The following PTPRA variants were observed in gnomAD, a reference collection of about 807,000 sequenced individuals.
PTPRA encodes the protein receptor-type tyrosine-protein phosphatase alpha.
Under a neutral mutation model 104.8 loss-of-function variants are expected in PTPRA, and 25 were observed. The observed-to-expected ratio is 0.24, with a 90% CI of 0.17 to 0.33. The LOEUF (loss-of-function observed/expected upper bound fraction) is 0.33. PTPRA is among the 10% of genes least tolerant of loss of function. The pLI, the probability that PTPRA is intolerant of heterozygous loss-of-function variation, is 1.00. For synonymous variants in PTPRA, 323 were observed against 368.9 expected (o/e 0.88, Z 1.43); for missense variants, 765 against 1,015.3 (o/e 0.75, Z 3.35).
chr20:3,015,890 A>T lies in PTPRA; in HGVS notation c.943+5A>T, dbSNP rs1438619602. The T allele has an allele frequency of 6.4e-7, 1 of 1,560,406 alleles. No homozygotes were observed. Among genetic ancestry groups the T allele is most frequent in the Non-Finnish European group, 8.8e-7 (1 of 1,131,612 alleles). On this transcript the variant is annotated splice_donor_5th_base_variant and intron_variant, in intron 12 of 23. Coordinates refer to ENST00000399903, the MANE Select transcript of PTPRA (RefSeq NM_001385305.1). Reference sequence around the variant, plus strand: ...ACAAATTCATTGCTGCACAAGGTAAAGTAATGACAACTTTTTTCTGTTAGA... The same window carrying T: ...ACAAATTCATTGCTGCACAAGGTAATGTAATGACAACTTTTTTCTGTTAGA...
intron 9 of PTPRA, 107 bp downstream of exon 9, chr20:2,988,581 T>C: frequency 6.9e-7 from 1 of 1,441,382 alleles, no homozygotes; most frequent in African/African-American, 1.5e-5. Context: ...TTTTAATGTT[T>C]AAGAGGTGAG....
intron 3 of PTPRA, among the ~76,000 whole-genome samples, chr20:2,948,275 T>C (rs2061213114): frequency 6.6e-6 from 1 of 152,242 alleles, no homozygotes; most frequent in Non-Finnish European, 1.5e-5. Context: ...CTGGTGAAAT[T>C]AGCTTCTTGG....
the PTPRA span, chr20:2,865,429 A>C: frequency 6.2e-7 from 1 of 1,614,204 alleles, no homozygotes; most frequent in Non-Finnish European, 8.5e-7. The surrounding 1 kb of genome is among the most constrained non-coding windows in gnomAD (Gnocchi z 5.2). Flanking sequence ...CTGCCCTGGC[A>C]GATTTGGAAG....
intron 1 of PTPRA, among the ~76,000 whole-genome samples, chr20:2,894,343 G>T (rs1231417265): frequency 6.6e-6 from 1 of 152,176 alleles, no homozygotes; most frequent in Non-Finnish European, 1.5e-5. Context: ...TTGGCATTAA[G>T]TGAGTCAGGG....
rs868753218 is a variant in PTPRA at position 3,029,118 on chromosome 20, T to G, written c.1920+1277T>G. Among the ~76,000 whole-genome samples the G allele has an allele frequency of 2.7e-3, 347 of 128,234 alleles. 2 individuals are homozygous for G. The East Asian group carries it at 0.031, about 12-fold the overall frequency. 84.1% of individuals were successfully genotyped at this position (128,234 alleles called of 152,430 possible). ...CCCTGATGTTTCATTACATCAGGATTTTTTTTTTTTTTTTGGTTTTGTTTG... is the reference window on the plus strand; with the variant it reads ...CCCTGATGTTTCATTACATCAGGATGTTTTTTTTTTTTTTGGTTTTGTTTG... On this transcript the variant is annotated intron_variant, in intron 20 of 23. Transcript: ENST00000399903.
chr20:2,920,617 G>A (rs547774990), intron 1 of PTPRA, among the ~76,000 whole-genome samples: 1 of 152,264 alleles, frequency 6.6e-6, no homozygotes, highest in East Asian at 1.9e-4. Flanking sequence ...TTCTGAGGGA[G>A]TGATGATGGG....
In PTPRA at chr20:3,038,168, C is replaced by T. The variant is rs765124509; in HGVS notation, c.*35C>T. ...AGGGTCCGTGGACCAGGAGGATTGC[C>T]TTTAATATTTTGTAATATTCTGTTT... is the stretch of plus-strand genomic sequence containing the variant. On this transcript the variant is annotated 3_prime_UTR_variant, in exon 24 of 24. Coordinates refer to ENST00000399903, the MANE Select transcript of PTPRA (RefSeq NM_001385305.1). The T allele has an allele frequency of 6.4e-7, 1 of 1,552,718 alleles. No homozygotes were observed. Among genetic ancestry groups the T allele is most frequent in the East Asian group, 2.2e-5 (1 of 44,576 alleles).
Position 3,007,339 on chromosome 20 carries a change from C to T in PTPRA, c.830-5C>T. 1 of 1,612,738 alleles carries T rather than the reference C, an allele frequency of 6.2e-7. No individual in the cohort carries two copies. The highest frequency in any genetic ancestry group is 8.5e-7 in the Non-Finnish European group (1 of 1,178,936). On this transcript the variant is annotated splice_region_variant and splice_polypyrimidine_tract_variant and intron_variant, in intron 10 of 23. Coordinates refer to ENST00000399903, the MANE Select transcript of PTPRA (RefSeq NM_001385305.1). Reference sequence around the variant, plus strand: ...TTACTGAAATATTGTTGGTTTGTTTCCTAGATGACCACTCTAGAGTCCACC... The same window carrying T: ...TTACTGAAATATTGTTGGTTTGTTTTCTAGATGACCACTCTAGAGTCCACC...
At chr20:2,885,144 A>G (rs2146890234) in intron 1 of PTPRA, among the ~76,000 whole-genome samples, 1 of 152,092 alleles carries the variant, frequency 6.6e-6, no homozygotes, top group East Asian at 1.9e-4. Context: ...GAACGCCTGC[A>G]CCTTTTTACA....
intron 16 of PTPRA, among the ~76,000 whole-genome samples, chr20:3,023,992 G>A (rs1287775185): frequency 6.6e-6 from 1 of 152,194 alleles, no homozygotes; most frequent in East Asian, 1.9e-4. Flanking sequence ...GCAGATGACA[G>A]GTTACTGGAC....
chr20:3,028,184 G>A (rs369454770), intron 20 of PTPRA, among the ~76,000 whole-genome samples: 4 of 144,860 alleles, frequency 2.8e-5, no homozygotes, highest in Admixed American at 6.7e-5. Context: ...TGCCCCAGGC[G>A]GGGGGGGCAC....
At chr20:2,992,326 G>A (rs2063210858) in intron 9 of PTPRA, among the ~76,000 whole-genome samples, 1 of 152,132 alleles carries the variant, frequency 6.6e-6, no homozygotes, top group South Asian at 2.1e-4. Flanking sequence ...AGACCAGCCT[G>A]GCCAACATGG....
the PTPRA span, chr20:2,864,303 G>T: frequency 3.1e-6 from 5 of 1,613,926 alleles, no homozygotes; most frequent in Admixed American, 3.3e-5. The surrounding 1 kb of genome is among the most constrained non-coding windows in gnomAD (Gnocchi z 5.2). Flanking sequence ...GGCAAGGCTG[G>T]GGGGCCCCTG....
chr20:2,988,626 G>T, intron 9 of PTPRA, 152 bp downstream of exon 9: 1 of 1,174,102 alleles, frequency 8.5e-7, no homozygotes, highest in Non-Finnish European at 1.2e-6. Flanking sequence ...CTCCCTGTAT[G>T]ATCATGGATA....
intron 13 of PTPRA, among the ~76,000 whole-genome samples, chr20:3,020,446 G>T (rs2064808870): frequency 6.6e-6 from 1 of 152,164 alleles, no homozygotes; most frequent in Non-Finnish European, 1.5e-5. Context: ...TATTTCCCTG[G>T]TTTTCTGCCC....
intron 20 of PTPRA, among the ~76,000 whole-genome samples, chr20:3,031,008 T>A (rs922737242): frequency 2.6e-5 from 4 of 152,012 alleles, no homozygotes; most frequent in African/African-American, 9.7e-5. Flanking sequence ...ATCAAAAGGG[T>A]CCACCAGGAT....
chr20:3,031,244 C>T (rs2065438810), intron 20 of PTPRA, among the ~76,000 whole-genome samples: 1 of 152,070 alleles, frequency 6.6e-6, no homozygotes, highest in Non-Finnish European at 1.5e-5. Flanking sequence ...ACATAAGAGA[C>T]TTCATGCTAT....
the PTPRA span, chr20:2,864,688 G>T: frequency 6.2e-7 from 1 of 1,605,158 alleles, no homozygotes; most frequent in Non-Finnish European, 8.5e-7. The surrounding 1 kb of genome is among the most constrained non-coding windows in gnomAD (Gnocchi z 5.2). Context: ...GGGCGTGTGG[G>T]GCATGTGGGC....
chr20:2,956,219 C>T (rs1214283848), intron 3 of PTPRA, among the ~76,000 whole-genome samples: 1 of 152,196 alleles, frequency 6.6e-6, no homozygotes, highest in Non-Finnish European at 1.5e-5. Flanking sequence ...CTTCACTCTG[C>T]CATCAGTCAT....
Sources: allele counts gnomAD v4.1 joint callset (sites outside exome capture counted in the v4.1 genomes callset), GRCh38; gene constraint gnomAD v4.1.1; non-coding constraint Gnocchi (gnomAD v3.1); transcripts MANE v1.5; gene names NCBI Gene and HGNC (gene_info 2026-07-23, HGNC 2026-07-21).